Variants in PLPP1 observed in about 807,000 individuals in gnomAD.
The protein encoded by PLPP1 is phospholipid phosphatase 1, also known as lipid phosphate phosphohydrolase 1a.
Under a neutral mutation model 31.2 loss-of-function variants are expected in PLPP1, and 24 were observed. The ratio of observed to expected loss-of-function variants is 0.77; its 90% CI spans 0.56 to 1.08. The LOEUF (loss-of-function observed/expected upper bound fraction) is 1.08, where lower values mean the gene tolerates loss of function less well. Ranked by LOEUF, PLPP1 falls within the 50% of genes least tolerant of loss-of-function variation. PLPP1 has a pLI of 0.00. For missense variants in PLPP1, 319 were observed against 342.7 expected (o/e 0.93, Z 0.55); for synonymous variants, 146 against 126.3 (o/e 1.16, Z -1.05).
Position 55,424,948 on chromosome 5 carries a change from AT to A in PLPP1, c.*257del. The A allele has an allele frequency of 1.6e-6, 1 of 638,072 alleles. No individual in the cohort carries two copies. The highest frequency in any genetic ancestry group is 2.6e-6 in the Non-Finnish European group (1 of 377,430). 39.5% of individuals were successfully genotyped at this position (638,072 alleles called of 1,614,324 possible). On this transcript the variant is annotated 3_prime_UTR_variant, in exon 6 of 6. Coordinates refer to ENST00000307259, the MANE Select transcript of PLPP1 (RefSeq NM_003711.4). ...ATACATGTTTATACATAAGCATTAC[AT>A]TTTTTTAATAAAAATGTATACAGGT...
intron 1 of PLPP1, among the ~76,000 whole-genome samples, chr5:55,510,922 C>A (rs1753391055): frequency 6.6e-6 from 1 of 152,180 alleles, no homozygotes; most frequent in South Asian, 2.1e-4. Context: ...AACTTAGTGC[C>A]TGGCACATTA....
intron 1 of PLPP1, among the ~76,000 whole-genome samples, chr5:55,528,384 T>C (rs1015277473): frequency 5.9e-5 from 9 of 152,232 alleles, no homozygotes; most frequent in Non-Finnish European, 1.0e-4. Context: ...ATCGTACTTA[T>C]CATGATGTAT....
rs1554039239 is a variant in PLPP1 at position 55,473,998 on chromosome 5, T to TTTTTGTTTTTG, written c.210+1300_210+1301insCAAAAACAAAA. ...TTCTGGTTTTTTTGTTTGTTTGTTGTTTTTTTTTTTTTTTTCCAGACGGAG... is the reference window on the plus strand; with the variant it reads ...TTCTGGTTTTTTTGTTTGTTTGTTGTTTTTGTTTTTGTTTTTTTTTTTTTTTCCAGACGGAG... On this transcript the variant is annotated intron_variant, in intron 2 of 5. Coordinates refer to ENST00000307259, the MANE Select transcript of PLPP1 (RefSeq NM_003711.4). Among the ~76,000 whole-genome samples, 185 of 143,846 alleles carry TTTTTGTTTTTG rather than the reference T, an allele frequency of 1.3e-3. 1 individual carries two copies. Among genetic ancestry groups the TTTTTGTTTTTG allele is most frequent in the African/African-American group, 4.7e-3 (175 of 36,880 alleles). The allele number at this position is 143,846 out of a possible 152,430, so 94.4% of individuals were successfully genotyped here.
intron 1 of PLPP1, among the ~76,000 whole-genome samples, chr5:55,480,286 T>A (rs1752642532): frequency 6.6e-6 from 1 of 152,190 alleles, no homozygotes; most frequent in Non-Finnish European, 1.5e-5. Flanking sequence ...TCCCTTTTTT[T>A]AAATTGAGGT....
chr5:55,439,767 G>C (rs1234174537), intron 4 of PLPP1, among the ~76,000 whole-genome samples: 1 of 152,166 alleles, frequency 6.6e-6, no homozygotes, highest in African/African-American at 2.4e-5. Context: ...GGTGTTTTGA[G>C]AAGGGTCAAG....
In PLPP1 at chr5:55,524,136, A is replaced by G. The variant is rs150597900; in HGVS notation, c.58+10436T>C. Among the ~76,000 whole-genome samples the G allele has an allele frequency of 5.4e-3, 816 of 152,344 alleles. 2 individuals carry two copies. The highest frequency in any genetic ancestry group is 8.6e-3 in the Non-Finnish European group (582 of 68,036). On this transcript the variant is annotated intron_variant, in intron 1 of 5. Transcript: ENST00000307259. ...TTTAAAAACAATTTGAGTTTAACAT[A>G]TGTCACAATGTTTGAAAAAGAGTTT...
At chr5:55,479,664 C>G (rs913115823) in intron 1 of PLPP1, among the ~76,000 whole-genome samples, 1 of 152,190 alleles carries the variant, frequency 6.6e-6, no homozygotes, top group Non-Finnish European at 1.5e-5. Context: ...GTAGCTCTGG[C>G]TCCCCACTGC....
chr5:55,492,414 G>A (rs1377868710), intron 1 of PLPP1, among the ~76,000 whole-genome samples: 2 of 152,016 alleles, frequency 1.3e-5, no homozygotes, highest in African/African-American at 2.4e-5. Context: ...ACCATAAAAG[G>A]CAGAAATATG....
At chr5:55,443,188 A>ATATATATATAT (rs1441572082) in intron 3 of PLPP1, among the ~76,000 whole-genome samples, 12 of 17,662 alleles carry the variant, frequency 6.8e-4, no homozygotes, top group Non-Finnish European at 1.5e-3. Flanking sequence ...AAAAAAAAAA[A>ATATATATATAT]AAAAATATAT....
At chr5:55,433,532 CTG>C (rs1751417879) in intron 4 of PLPP1, among the ~76,000 whole-genome samples, 2 of 131,396 alleles carry the variant, frequency 1.5e-5, no homozygotes, top group African/African-American at 5.6e-5. Context: ...CCGAGTCTCA[CTG>C]TGTCACCCAG....
chr5:55,530,310 A>G (rs2111960505), intron 1 of PLPP1: 1 of 1,477,440 alleles, frequency 6.8e-7, no homozygotes, highest in East Asian at 2.3e-5. Context: ...TCCCCAAGGA[A>G]GAGATACACA....
chr5:55,520,617 G>A (rs1308997172), intron 1 of PLPP1, among the ~76,000 whole-genome samples: 2 of 152,152 alleles, frequency 1.3e-5, no homozygotes, highest in Admixed American at 6.5e-5. Context: ...GAGTTGAGGT[G>A]ACCTGCCCAA....
intron 3 of PLPP1, among the ~76,000 whole-genome samples, chr5:55,467,385 G>A (rs1227402716): frequency 6.6e-6 from 1 of 151,908 alleles, no homozygotes; most frequent in African/African-American, 2.4e-5. Flanking sequence ...GGCCCAGAGA[G>A]CCTAAAATAT....
intron 1 of PLPP1, among the ~76,000 whole-genome samples, chr5:55,487,438 CA>C (rs10622738): frequency 6.8e-6 from 1 of 147,960 alleles, no homozygotes; most frequent in Admixed American, 6.7e-5. Context: ...AACCCAAAAA[CA>C]AAAAAAAAAT....
chr5:55,499,959 C>T (rs1187526639), intron 1 of PLPP1, among the ~76,000 whole-genome samples: 1 of 150,916 alleles, frequency 6.6e-6, no homozygotes, highest in Non-Finnish European at 1.5e-5. Flanking sequence ...GACATCCTAC[C>T]ATAAAATATG....
intron 1 of PLPP1, among the ~76,000 whole-genome samples, chr5:55,508,158 T>C (rs1753324692): frequency 6.6e-6 from 1 of 152,176 alleles, no homozygotes; most frequent in African/African-American, 2.4e-5. Flanking sequence ...ATGCCTGGTC[T>C]AATAATTCTT....
chr5:55,427,716 T>C (rs982063770), intron 4 of PLPP1, among the ~76,000 whole-genome samples: 2 of 147,406 alleles, frequency 1.4e-5, no homozygotes, highest in African/African-American at 5.0e-5. Flanking sequence ...AACATGCCAG[T>C]GAAAAGAATT....
At chr5:55,477,579 A>G (rs1311380949) in intron 1 of PLPP1, among the ~76,000 whole-genome samples, 1 of 151,850 alleles carries the variant, frequency 6.6e-6, no homozygotes. Context: ...TTTTTAATAG[A>G]GAAGGGTTCT....
At chr5:55,508,360 C>A (rs528019163) in intron 1 of PLPP1, among the ~76,000 whole-genome samples, 1 of 152,294 alleles carries the variant, frequency 6.6e-6, no homozygotes, top group African/African-American at 2.4e-5. Flanking sequence ...GTGTCTGGCA[C>A]CATATTGAAT....
Sources: allele counts gnomAD v4.1 joint callset (sites outside exome capture counted in the v4.1 genomes callset), GRCh38; gene constraint gnomAD v4.1.1; transcripts MANE v1.5; gene names NCBI Gene and HGNC (gene_info 2026-07-23, HGNC 2026-07-21).